The following AKAP11 variants were observed in gnomAD, a reference collection of about 807,000 sequenced individuals.
AKAP11 encodes A-kinase anchoring protein 11.
A neutral mutation model predicts 146.1 loss-of-function variants in AKAP11; 36 were observed. The observed-to-expected ratio is 0.25, with a 90% CI of 0.19 to 0.33. The LOEUF (loss-of-function observed/expected upper bound fraction) is 0.33, where lower values mean the gene tolerates loss of function less well. AKAP11 is among the 10% of genes least tolerant of loss of function. The probability of loss-of-function intolerance (pLI) is 1.00; values close to 1 mark genes in which losing one functional copy is unlikely to be tolerated. For missense variants in AKAP11, 2,201 were observed against 2,197.0 expected, an observed-to-expected ratio of 1.00 and a Z score of -0.04; for synonymous variants, 780 against 786.5, an observed-to-expected ratio of 0.99 and a Z score of 0.14.
At chr13:42,309,643 A>G (rs899359156) in intron 9 of AKAP11, among the ~76,000 whole-genome samples, 12 of 152,236 alleles carry the variant, frequency 7.9e-5, no homozygotes, top group Admixed American at 7.2e-4. Context: ...TAAACCACCA[A>G]TATTTCTTAA....
Position 42,300,761 on chromosome 13 carries a change from C to T in AKAP11, c.2015C>T (p.Ala672Val). 1.2e-6 allele frequency: 2 copies of T among 1,614,100 alleles called. No homozygotes were observed. Among genetic ancestry groups the T allele is most frequent in the East Asian group, 2.2e-5 (1 of 44,892 alleles). Residue 672 changes from alanine (A) to valine (V), a missense_variant, in exon 8 of 13, where the codon GCA (alanine) becomes GTA (valine). By Grantham distance (64) the Ala-to-Val change is moderately conservative. Around this residue, in one of 3 missense-constraint regions of AKAP11, gnomAD observed 1,867 missense variants for 1,833.5 expected, o/e 1.02. Coordinates refer to ENST00000025301, the MANE Select transcript of AKAP11 (RefSeq NM_016248.4). ...VCQFSYPQTP[A>V]SPQCGSFDFE... ...CAGTTTTCATATCCTCAAACGCCTG[C>T]ATCTCCACAGTGTGGGTCGTTTGAC...
In AKAP11 at chr13:42,301,117, C is replaced by G. The variant is rs778156285; in HGVS notation, c.2371C>G (p.Pro791Ala). The change falls in exon 8 of 13, where the codon CCA becomes GCA. Residue 791 changes from proline (P) to alanine (A), a missense_variant. By Grantham distance (27) the Pro-to-Ala change is conservative. Around this residue, in one of 3 missense-constraint regions of AKAP11, gnomAD observed 1,867 missense variants for 1,833.5 expected, o/e 1.02. Coordinates refer to ENST00000025301, the MANE Select transcript of AKAP11 (RefSeq NM_016248.4). ...PVPLAGSALL[P>A]YHISSTACQA... ...GCCCTTGGCAGGAAGTGCCCTTCTC[C>G]CATATCATATTTCATCTACTGCATG... 6.2e-7 allele frequency: 1 copy of G among 1,614,044 alleles called. No homozygotes were observed. Among genetic ancestry groups the G allele is most frequent in the South Asian group, 1.1e-5 (1 of 91,064 alleles).
chr13:42,299,561 T>A lies in AKAP11; in HGVS notation c.815T>A (p.Ile272Asn). The A allele has an allele frequency of 6.2e-7, 1 of 1,613,998 alleles. No homozygotes were observed. The highest frequency in any genetic ancestry group is 8.5e-7 in the Non-Finnish European group (1 of 1,179,886). Residue 272 changes from isoleucine to asparagine, a missense_variant, in exon 8 of 13, where the codon ATT becomes AAT. Transcript: ENST00000025301. ...PSVKTSVTTS[I>N]SEPWTQRSFY... is the part of the protein sequence containing the mutation. The stretch of plus-strand genomic sequence containing the variant: ...GTGAAAACTTCAGTCACAACATCAA[T>A]TTCAGAGCCTTGGACCCAAAGGAGT...
intron 1 of AKAP11, among the ~76,000 whole-genome samples, chr13:42,283,881 T>C (rs1294773296): frequency 2.0e-5 from 3 of 152,220 alleles, no homozygotes; most frequent in African/African-American, 4.8e-5. Flanking sequence ...CATGGCGTCA[T>C]TGTGGGAATG....
chr13:42,295,478 T>A (rs1959453626), intron 4 of AKAP11, among the ~76,000 whole-genome samples: 1 of 152,118 alleles, frequency 6.6e-6, no homozygotes, highest in Non-Finnish European at 1.5e-5. Flanking sequence ...TAGAATTGAT[T>A]GAACTTGCTA....
intron 3 of AKAP11, among the ~76,000 whole-genome samples, chr13:42,286,761 T>C (rs1302879678): frequency 6.6e-6 from 1 of 152,236 alleles, no homozygotes; most frequent in African/African-American, 2.4e-5. Flanking sequence ...AGACCATATG[T>C]TAGATGTTGG....
chr13:42,302,741 TGTATAA>T lies in AKAP11; in HGVS notation c.4000_4005del (p.Lys1334_Tyr1335del). ...CCAAGTTCTTGTATGTCAGGTCTGA[TGTATAA>T]GTATCCCAGCTGTGAAAGTGTGACA... is the stretch of plus-strand genomic sequence containing the variant. On this transcript the variant is annotated inframe_deletion, in exon 8 of 13. Transcript: ENST00000025301. 3 of 1,614,170 alleles carry T rather than the reference TGTATAA, an allele frequency of 1.9e-6. No individual in the cohort carries two copies. The highest frequency in any genetic ancestry group is 2.5e-6 in the Non-Finnish European group (3 of 1,180,026).
At chr13:42,277,289 T>G (rs760938835) in intron 1 of AKAP11, among the ~76,000 whole-genome samples, 2 of 152,260 alleles carry the variant, frequency 1.3e-5, no homozygotes, top group Non-Finnish European at 2.9e-5. Flanking sequence ...GTAGGTCTAA[T>G]GAGTTTTTTA....
chr13:42,275,180 G>T (rs1011401644), intron 1 of AKAP11, among the ~76,000 whole-genome samples: 5 of 152,216 alleles, frequency 3.3e-5, no homozygotes, highest in Admixed American at 2.0e-4. Context: ...ATGGTCTTAT[G>T]TCTCTGCTAC....
rs1959720674 is a variant in AKAP11, at chr13:42,299,488, C to A, written c.742C>A (p.Pro248Thr). Residue 248 changes from proline to threonine, a missense_variant, in exon 8 of 13, where the codon CCC becomes ACC. By Grantham distance (38) the Pro-to-Thr change is conservative. This residue lies in a region of AKAP11 where 331 missense variants were observed against 347.4 expected (regional missense o/e 0.95). Transcript: ENST00000025301. ...TGGACAGCAGAAGTCATTGGCTAAA[C>A]CCTCAACTTCCTCAGTGAATGTCCT... ...SSGQQKSLAK[P>T]STSSVNVLGH... 3 of 1,613,756 alleles carry A rather than the reference C, an allele frequency of 1.9e-6. No individual in the cohort carries two copies. The highest frequency in any genetic ancestry group is 2.5e-6 in the Non-Finnish European group (3 of 1,179,870).
At chr13:42,319,062 A>T in intron 12 of AKAP11, 26 bp from the exon 13 acceptor site, 1 of 1,606,824 alleles carries the variant, frequency 6.2e-7, no homozygotes, top group South Asian at 1.1e-5. Flanking sequence ...TTTTTGGTTA[A>T]TGTTTGACAC....
chr13:42,287,432 C>A (rs1439739570), intron 3 of AKAP11, among the ~76,000 whole-genome samples: 1 of 151,794 alleles, frequency 6.6e-6, no homozygotes, highest in East Asian at 1.9e-4. Flanking sequence ...TACAGGTGCC[C>A]GCCACCACAC....
At position 42,323,032 on chromosome 13, in the gene AKAP11, T is replaced by A. The variant is rs975651673; in HGVS notation, c.*3804T>A. On this transcript the variant is annotated 3_prime_UTR_variant, in exon 13 of 13. Transcript: ENST00000025301. The stretch of plus-strand genomic sequence containing the variant: ...GCTGTGCTCAGTTACTATATTAAGA[T>A]CTTGTACTGTGTAACAGTAACTCTT... The A allele has an allele frequency of 1.3e-5, 2 of 152,778 alleles. No homozygotes were observed. The highest frequency in any genetic ancestry group is 2.4e-5 in the African/African-American group (1 of 41,460). 9.5% of individuals were successfully genotyped at this position (152,778 alleles called of 1,614,324 possible). A position where few individuals can be genotyped will look rare whatever the true frequency, so the allele number is the denominator to read the frequency against.
chr13:42,294,236 G>A (rs534287502), intron 4 of AKAP11, among the ~76,000 whole-genome samples: 7 of 152,164 alleles, frequency 4.6e-5, no homozygotes, highest in South Asian at 4.2e-4. Flanking sequence ...TAATATTGCC[G>A]TCATTTAAGT....
Position 42,286,300 on chromosome 13 carries a change from G to A in AKAP11, c.-49G>A, listed in dbSNP as rs778734966. On this transcript the variant is annotated splice_region_variant and 5_prime_UTR_variant, in exon 3 of 13. The change creates a new upstream start codon in the 5' untranslated region. Coordinates refer to ENST00000025301, the MANE Select transcript of AKAP11 (RefSeq NM_016248.4). ...AGTTGTTTTAATATGTTTTCTTTAGGTGTTTTGTGGATTAACTCTTCATTG... is the reference window on the plus strand; with the variant it reads ...AGTTGTTTTAATATGTTTTCTTTAGATGTTTTGTGGATTAACTCTTCATTG... 8.0e-7 allele frequency: 1 copy of A among 1,244,404 alleles called. No homozygotes were observed. The highest frequency in any genetic ancestry group is 2.2e-5 in the Admixed American group (1 of 44,930). 77.1% of individuals were successfully genotyped at this position (1,244,404 alleles called of 1,614,324 possible).
At chr13:42,282,594 C>T (rs571407532) in intron 1 of AKAP11, among the ~76,000 whole-genome samples, 3 of 152,186 alleles carry the variant, frequency 2.0e-5, no homozygotes, top group African/African-American at 4.8e-5. Flanking sequence ...ATAATTGTTT[C>T]TGTAATTGCT....
intron 5 of AKAP11, among the ~76,000 whole-genome samples, chr13:42,296,490 T>C (rs540821709): frequency 5.9e-4 from 89 of 152,136 alleles, no homozygotes; most frequent in Non-Finnish European, 1.1e-3. Flanking sequence ...ACTTTAATAA[T>C]TCTTTAGCTG....
In AKAP11 at chr13:42,301,803, C is replaced by G. The variant is rs781177670; in HGVS notation, c.3057C>G (p.Ser1019=). The change falls in exon 8 of 13, where the codon TCC becomes TCG. Residue 1019 remains serine (S), a synonymous_variant. Transcript: ENST00000025301. ...AAGTTTCTATGGTTCATGGATCCTC[C>G]CTAGAGACACTGCCATCTTGTCCAG... The part of the protein sequence containing the change: ...ECKVSMVHGS[S]LETLPSCPAV... 15 of 1,614,114 alleles carry G rather than the reference C, an allele frequency of 9.3e-6. No homozygotes were observed. The highest frequency in any genetic ancestry group is 1.7e-5 in the Admixed American group (1 of 60,010).
At chr13:42,292,859 T>A (rs558513331) in intron 4 of AKAP11, among the ~76,000 whole-genome samples, 1 of 152,224 alleles carries the variant, frequency 6.6e-6, no homozygotes, top group African/African-American at 2.4e-5. Flanking sequence ...ATGATTCTTA[T>A]GTTGATTTTT....
Sources: gnomAD v4.1 joint callset for allele counts (sites outside exome capture counted in the v4.1 genomes callset) on GRCh38, gnomAD v4.1.1 for gene constraint, gnomAD v4.1.1 regional missense constraint, MANE v1.5 for transcripts, NCBI Gene and HGNC (gene_info 2026-07-23, HGNC 2026-07-21) for gene names.